The following MAP3K11 variants were observed in gnomAD, a reference collection of about 807,000 sequenced individuals.
MAP3K11 encodes the protein SH3 domain-containing proline-rich kinase.
In MAP3K11, 46 loss-of-function variants were observed where a neutral mutation model predicts 84.9. The ratio of observed to expected loss-of-function variants is 0.54; its 90% CI spans 0.43 to 0.69. The LOEUF is 0.69. Ranked by LOEUF, MAP3K11 falls within the 30% of genes least tolerant of loss-of-function variation. MAP3K11 has a pLI of 0.00. For synonymous variants in MAP3K11, 527 were observed against 514.7 expected, an observed-to-expected ratio of 1.02 and a Z score of -0.32; for missense variants, 1,053 against 1,198.3, an observed-to-expected ratio of 0.88 and a Z score of 1.79.
At position 65,604,183 on chromosome 11, in the gene MAP3K11, T is replaced by C. The variant is rs554052588; in HGVS notation, c.1831+1578A>G. On this transcript the variant is annotated intron_variant, in intron 8 of 9. Coordinates refer to ENST00000309100, the MANE Select transcript of MAP3K11 (RefSeq NM_002419.4). Reference sequence around the variant, plus strand: ...CTAATAAGTAGTTTCTCTTCATAAATAATTAACAAATTCTTTGGATAAAAA... The same window carrying C: ...CTAATAAGTAGTTTCTCTTCATAAACAATTAACAAATTCTTTGGATAAAAA... Among the ~76,000 whole-genome samples, 31 of 152,382 alleles carry C rather than the reference T, an allele frequency of 2.0e-4. No homozygotes were observed. In the South Asian group the frequency reaches 4.1e-3, roughly 20 times the overall value.
In MAP3K11 at chr11:65,599,490, C is replaced by T. The variant is rs763348971; in HGVS notation, c.2110G>A (p.Asp704Asn). 11 of 1,497,756 alleles carry T rather than the reference C, an allele frequency of 7.3e-6. No homozygotes were observed. The highest frequency in any genetic ancestry group is 6.5e-5 in the South Asian group (5 of 76,922). 92.8% of individuals were successfully genotyped at this position (1,497,756 alleles called of 1,614,324 possible). ...AGGGGTGCAGGAGTGGGCGGGGAGT[C>T]GGGCGTCTTGAGCGAGAAGCAGATG... ...PLICFSLKTP[D>N]SPPTPAPLLL... Residue 704 changes from aspartate (D) to asparagine (N), a missense_variant, in exon 9 of 10, where the codon GAC becomes AAC. By Grantham distance (23) the Asp-to-Asn change is conservative (BLOSUM62 1). This residue lies in a region of MAP3K11 where 583 missense variants were observed against 566.6 expected (regional missense o/e 1.03). Coordinates refer to ENST00000309100, the MANE Select transcript of MAP3K11 (RefSeq NM_002419.4).
rs1369107523 is a variant in MAP3K11 at position 65,599,626 on chromosome 11, G to A, written c.1974C>T (p.Gly658=). 2 of 1,544,606 alleles carry A rather than the reference G, an allele frequency of 1.3e-6. No individual in the cohort carries two copies. Among genetic ancestry groups the A allele is most frequent in the Admixed American group, 2.0e-5 (1 of 49,456 alleles). The change falls in exon 9 of 10, where the codon GGC becomes GGT. Residue 658 remains glycine (G), a synonymous_variant. Coordinates refer to ENST00000309100, the MANE Select transcript of MAP3K11 (RefSeq NM_002419.4). The stretch of plus-strand genomic sequence containing the variant: ...GGCCTCCCGGCGGCTGCAGGTCGCG[G>A]CCAAGGCCCAGCGAGGCGAGCAGGG... The part of the protein sequence containing the change: ...GTALLASLGL[G]RDLQPPGGPG...
At position 65,599,557 on chromosome 11, in the gene MAP3K11, T is replaced by A. The variant is rs1286312520; in HGVS notation, c.2043A>T (p.Pro681=). 1 of 1,490,724 alleles carries A rather than the reference T, an allele frequency of 6.7e-7. No homozygotes were observed. Among genetic ancestry groups the A allele is most frequent in the Non-Finnish European group, 8.9e-7 (1 of 1,128,428 alleles). 92.3% of individuals were successfully genotyped at this position (1,490,724 alleles called of 1,614,324 possible). A position where few individuals can be genotyped will look rare whatever the true frequency, so the allele number is the denominator to read the frequency against. Residue 681 remains proline, a synonymous_variant, in exon 9 of 10, where the codon CCA becomes CCT. Transcript: ENST00000309100. The part of the protein sequence containing the change: ...RGESPTTPPT[P]TPAPCPTEPP... ...GCTCGGTCGGGCAGGGCGCGGGCGT[T>A]GGCGTGGGGGGTGTTGTCGGGGACT...
rs771189864 is a variant in MAP3K11 at position 65,599,759 on chromosome 11, G to T, written c.1841C>A (p.Pro614Gln). Residue 614 changes from proline (P) to glutamine (Q), a missense_variant, in exon 9 of 10, where the codon CCG (proline) becomes CAG (glutamine). Transcript: ENST00000309100. ...STPPALNGNP[P>Q]RPSLEPEEPK... ...CTCCTCGGGCTCCAGGCTAGGCCGC[G>T]GGGGGTTACCTGCGGGCAGAGGCGG... is the stretch of plus-strand genomic sequence containing the variant. The T allele has an allele frequency of 3.1e-6, 5 of 1,592,972 alleles. No individual in the cohort carries two copies. Among genetic ancestry groups the T allele is most frequent in the African/African-American group, 2.7e-5 (2 of 74,764 alleles).
chr11:65,597,974 T>G lies in MAP3K11; in HGVS notation c.*317A>C. ...ACAGCTGAGGCCGGCCCCTCTTCCC[T>G]GCACCTCCCCTCCTCCCTGCATCAC... On this transcript the variant is annotated 3_prime_UTR_variant, in exon 10 of 10. Coordinates refer to ENST00000309100, the MANE Select transcript of MAP3K11 (RefSeq NM_002419.4). 3.4e-6 allele frequency: 1 copy of G among 294,088 alleles called. No homozygotes were observed. Among genetic ancestry groups the G allele is most frequent in the Non-Finnish European group, 6.3e-6 (1 of 158,996 alleles). 18.2% of individuals were successfully genotyped at this position (294,088 alleles called of 1,614,324 possible). A position where few individuals can be genotyped will look rare whatever the true frequency, so the allele number is the denominator to read the frequency against.
In MAP3K11 at chr11:65,613,193, G is replaced by T. The variant is rs1355122841; in HGVS notation, c.564C>A (p.Asn188Lys). Residue 188 changes from asparagine to lysine, a missense_variant, in exon 1 of 10, where the codon AAC becomes AAA. Physicochemically the swap from Asn to Lys is moderately conservative, Grantham distance 94. Transcript: ENST00000309100. ...ALKAVCLEEP[N>K]LCLVMEYAAG... ...CTGCATACTCCATCACCAGGCACAG[G>T]TTGGGCTCCTCCAGGCACACAGCCT... The T allele has an allele frequency of 2.5e-6, 4 of 1,589,050 alleles. No individual in the cohort carries two copies. In the African/African-American group the frequency reaches 5.4e-5, roughly 21 times the overall value.
chr11:65,612,519 G>A (rs1854581743), intron 1 of MAP3K11: 1 of 153,916 alleles, frequency 6.5e-6, no homozygotes. Context: ...TAGAGGTCAT[G>A]AAGCCAGGGA....
Position 65,606,639 on chromosome 11 carries a change from G to A in MAP3K11, c.1603+52C>T, listed in dbSNP as rs930215777. ...CCGCCTCCAAGAATAAGGTCTGACAGAGAATAAGGAGCTGGGGGGCGGAGA... is the reference window on the plus strand; with the variant it reads ...CCGCCTCCAAGAATAAGGTCTGACAAAGAATAAGGAGCTGGGGGGCGGAGA... On this transcript the variant is annotated intron_variant, in intron 6 of 9. Coordinates refer to ENST00000309100, the MANE Select transcript of MAP3K11 (RefSeq NM_002419.4). 6 of 1,337,146 alleles carry A rather than the reference G, an allele frequency of 4.5e-6. No homozygotes were observed. The African/African-American group carries it at 7.6e-5, about 17-fold the overall frequency. The allele number at this position is 1,337,146 out of a possible 1,614,324, so 82.8% of individuals were successfully genotyped here.
intron 6 of MAP3K11, 143 bp from the exon 7 acceptor site, chr11:65,606,224 G>A: frequency 1.0e-6 from 1 of 971,926 alleles, no homozygotes; most frequent in Non-Finnish European, 1.4e-6. Flanking sequence ...AAGATAGATG[G>A]GTTTGGGTCT....
intron 8 of MAP3K11, among the ~76,000 whole-genome samples, chr11:65,601,091 A>G (rs925605028): frequency 2.6e-5 from 4 of 152,042 alleles, no homozygotes; most frequent in African/African-American, 9.7e-5. Flanking sequence ...CATTCAATCA[A>G]CATCTACTGA....
At chr11:65,612,902 A>T in intron 1 of MAP3K11, 116 bp downstream of exon 1, 2 of 1,249,150 alleles carry the variant, frequency 1.6e-6, no homozygotes, top group Non-Finnish European at 2.1e-6. Context: ...GTCAGCTGGG[A>T]CCCCCTAGGG....
intron 1 of MAP3K11, chr11:65,608,748 G>A: frequency 3.2e-6 from 1 of 309,132 alleles, no homozygotes; most frequent in East Asian, 7.5e-5. Flanking sequence ...CTCCCGAGTA[G>A]TGGGATTATG....
chr11:65,613,713 G>C lies in MAP3K11; in HGVS notation c.44C>G (p.Ser15Ter). 1 of 1,591,988 alleles carries C rather than the reference G, an allele frequency of 6.3e-7. No homozygotes were observed. Among genetic ancestry groups the C allele is most frequent in the Non-Finnish European group, 8.6e-7 (1 of 1,167,750 alleles). Residue 15 changes from serine to a stop codon, truncating the protein, a stop_gained, in exon 1 of 10, where the codon TCA becomes TGA. Transcript: ENST00000309100. LOFTEE classifies it high-confidence loss of function. ...KSLFLKSPLG[S>*]WNGSGSGGGG... Reference sequence around the variant, plus strand: ...ACCCCCGCTGCCACTGCCATTCCATGACCCTAGAGGGCTCTTGAGGAAGAG... The same window carrying C: ...ACCCCCGCTGCCACTGCCATTCCATCACCCTAGAGGGCTCTTGAGGAAGAG...
rs765660467 is a variant in MAP3K11 at position 65,599,488 on chromosome 11, G to A, written c.2112C>T (p.Asp704=). 1.3e-5 allele frequency: 19 copies of A among 1,501,628 alleles called. No homozygotes were observed. The South Asian group carries it at 2.5e-4, about 19-fold the overall frequency. The allele number at this position is 1,501,628 out of a possible 1,614,324, so 93.0% of individuals were successfully genotyped here. A position where few individuals can be genotyped will look rare whatever the true frequency, so the allele number is the denominator to read the frequency against. The part of the protein sequence containing the change: ...PLICFSLKTP[D]SPPTPAPLLL... ...ACAGGGGTGCAGGAGTGGGCGGGGA[G>A]TCGGGCGTCTTGAGCGAGAAGCAGA... is the stretch of plus-strand genomic sequence containing the variant. The change falls in exon 9 of 10, where the codon GAC becomes GAT. Residue 704 remains aspartate, a synonymous_variant. Coordinates refer to ENST00000309100, the MANE Select transcript of MAP3K11 (RefSeq NM_002419.4).
chr11:65,607,347 A>G lies in MAP3K11; in HGVS notation c.1412T>C (p.Val471Ala). The change falls in exon 5 of 10, where the codon GTG (valine) becomes GCG (alanine). Residue 471 changes from valine (V) to alanine (A), a missense_variant. Physicochemically the swap from Val to Ala is moderately conservative, Grantham distance 64 (BLOSUM62 0). Around this residue, in one of 3 missense-constraint regions of MAP3K11, gnomAD observed 583 missense variants for 566.6 expected, o/e 1.03. Transcript: ENST00000309100. Reference protein sequence around the residue: ...LQQVDRERPHVRRRRGTFKRS... With the variant: ...LQQVDRERPHARRRRGTFKRS... ...CTTGAATGTCCCGCGGCGGCGGCGC[A>G]CGTGCGGTCGCTCGCGGTCCACCTG... 2 of 1,502,974 alleles carry G rather than the reference A, an allele frequency of 1.3e-6. No homozygotes were observed. The highest frequency in any genetic ancestry group is 2.5e-5 in the South Asian group (2 of 80,706). 93.1% of individuals were successfully genotyped at this position (1,502,974 alleles called of 1,614,324 possible).
rs1854504126 is a variant in MAP3K11, at chr11:65,606,064, C to T, written c.1621G>A (p.Gly541Ser). 1.3e-6 allele frequency: 2 copies of T among 1,582,520 alleles called. No individual in the cohort carries two copies. Among genetic ancestry groups the T allele is most frequent in the African/African-American group, 1.4e-5 (1 of 72,976 alleles). Residue 541 changes from glycine to serine, a missense_variant, in exon 7 of 10, where the codon GGC becomes AGC. By Grantham distance (56) the Gly-to-Ser change is moderately conservative. Coordinates refer to ENST00000309100, the MANE Select transcript of MAP3K11 (RefSeq NM_002419.4). ...RAIQLEPAEP[G>S]QAWGRQSPRR... ...GGGGACTGGCGGCCCCATGCCTGGC[C>T]TGGCTCTGCAGGCTCCACTGCAGGG...
chr11:65,612,051 C>G (rs1854576043), intron 1 of MAP3K11: 1 of 152,284 alleles, frequency 6.6e-6, no homozygotes, highest in Non-Finnish European at 1.5e-5. Flanking sequence ...GTTGACCCCC[C>G]TCTAAGAATG....
Position 65,608,329 on chromosome 11 carries a change from C to T in MAP3K11, c.859G>A (p.Ala287Thr), listed in dbSNP as rs1308198242. The T allele has an allele frequency of 2.5e-6, 4 of 1,614,220 alleles. No homozygotes were observed. The African/African-American group carries it at 5.3e-5, about 22-fold the overall frequency. Residue 287 changes from alanine (A) to threonine (T), a missense_variant, in exon 2 of 10, where the codon GCC becomes ACC. Ala to Thr is a moderately conservative substitution (Grantham distance 58, BLOSUM62 0). This residue lies in a region of MAP3K11 where 310 missense variants were observed against 464.5 expected (regional missense o/e 0.67). Transcript: ENST00000309100. The part of the protein sequence containing the change: ...TTQMSAAGTY[A>T]WMAPEVIKAS... The stretch of plus-strand genomic sequence containing the variant: ...TTGATAACCTCAGGAGCCATCCAGG[C>T]GTAGGTGCCCGCGGCACTCATTTGT...
chr11:65,604,371 A>G (rs985317467), intron 8 of MAP3K11, among the ~76,000 whole-genome samples: 1 of 152,192 alleles, frequency 6.6e-6, no homozygotes, highest in Non-Finnish European at 1.5e-5. Context: ...GGCCTGGTAC[A>G]ATTTAGAGCA....
Sources: allele counts gnomAD v4.1 joint callset (sites outside exome capture counted in the v4.1 genomes callset), GRCh38; gene constraint gnomAD v4.1.1; regional missense constraint gnomAD v4.1.1; transcripts MANE v1.5; gene names NCBI Gene and HGNC (gene_info 2026-07-23, HGNC 2026-07-21).